The following THSD4 variants were observed in gnomAD, a reference collection of about 807,000 sequenced individuals.
THSD4 encodes the protein thrombospondin type-1 domain-containing protein 4.
A neutral mutation model predicts 119.0 loss-of-function variants in THSD4; 69 were observed. The observed-to-expected ratio is 0.58, with a 90% confidence interval of 0.48 to 0.71. The LOEUF (loss-of-function observed/expected upper bound fraction) is 0.71. Ranked by LOEUF, THSD4 falls within the 30% of genes least tolerant of loss-of-function variation. The probability of loss-of-function intolerance (pLI) is 0.00; values close to 1 mark genes in which losing one functional copy is unlikely to be tolerated. For synonymous variants in THSD4, 524 were observed against 540.4 expected (o/e 0.97, Z 0.42); for missense variants, 1,393 against 1,391.1 (o/e 1.00, Z -0.02).
intron 6 of THSD4, among the ~76,000 whole-genome samples, chr15:71,377,915 A>G (rs2046171548): frequency 8.7e-5 from 1 of 11,524 alleles, no homozygotes; most frequent in Non-Finnish European, 2.1e-4. Flanking sequence ...CACACACACA[A>G]TTTCCTTCAG....
chr15:71,441,724 C>T (rs1164804262), intron 7 of THSD4, among the ~76,000 whole-genome samples: 1 of 151,954 alleles, frequency 6.6e-6, no homozygotes, highest in African/African-American at 2.4e-5. Context: ...GATATAGTAA[C>T]ATGCAGTAGG....
At chr15:71,671,114 G>T (rs2051518887) in intron 8 of THSD4, among the ~76,000 whole-genome samples, 2 of 152,176 alleles carry the variant, frequency 1.3e-5, no homozygotes, top group African/African-American at 2.4e-5. Flanking sequence ...GTGTAAAAGT[G>T]TTCCTATTTC....
At chr15:71,197,679 G>A (rs1037871631) in intron 3 of THSD4, among the ~76,000 whole-genome samples, 1 of 152,112 alleles carries the variant, frequency 6.6e-6, no homozygotes, top group African/African-American at 2.4e-5. Context: ...TCCATGGGCT[G>A]TGTGGATTGG....
At chr15:71,236,231 G>A (rs1298229368) in intron 4 of THSD4, among the ~76,000 whole-genome samples, 1 of 152,202 alleles carries the variant, frequency 6.6e-6, no homozygotes, top group Non-Finnish European at 1.5e-5. Context: ...CGGAGGGCGG[G>A]GCTCTCACTC....
chr15:71,483,797 C>T (rs374417122), intron 7 of THSD4, among the ~76,000 whole-genome samples: 30 of 147,544 alleles, frequency 2.0e-4, no homozygotes, highest in African/African-American at 7.2e-4. Context: ...CCTCCCTCTG[C>T]CCATGTGTTC....
chr15:71,360,738 A>T (rs1163740000), intron 6 of THSD4, among the ~76,000 whole-genome samples: 1 of 152,156 alleles, frequency 6.6e-6, no homozygotes, highest in Non-Finnish European at 1.5e-5. Context: ...TCACCTTTTC[A>T]CTTTACAAGG....
intron 3 of THSD4, among the ~76,000 whole-genome samples, chr15:71,192,441 C>A (rs2043680313): frequency 6.6e-6 from 1 of 151,926 alleles, no homozygotes; most frequent in Admixed American, 6.6e-5. Flanking sequence ...CGCCAACACG[C>A]CTGGATAATT....
At chr15:71,633,424 T>C (rs2050676077) in intron 7 of THSD4, among the ~76,000 whole-genome samples, 1 of 152,016 alleles carries the variant, frequency 6.6e-6, no homozygotes, top group South Asian at 2.1e-4. Flanking sequence ...CACAGGCACA[T>C]GCCGCCATGC....
intron 7 of THSD4, among the ~76,000 whole-genome samples, chr15:71,655,128 A>G (rs975545431): frequency 6.6e-6 from 1 of 152,238 alleles, no homozygotes. Context: ...GAAAAAATAC[A>G]AAGGACATCT....
chr15:71,479,159 TCTTTA>T (rs1471396818), intron 7 of THSD4, among the ~76,000 whole-genome samples: 1 of 147,556 alleles, frequency 6.8e-6, no homozygotes, highest in African/African-American at 2.5e-5. Context: ...TGGTGGCTTT[TCTTTA>T]CTTTCTTTCT....
intron 6 of THSD4, among the ~76,000 whole-genome samples, chr15:71,374,749 A>G (rs2046107722): frequency 1.3e-5 from 2 of 152,128 alleles, no homozygotes; most frequent in South Asian, 4.1e-4. Context: ...GCAAAGGAAA[A>G]CGCCCAATCT....
At chr15:71,708,273 A>G (rs2052432263) in intron 8 of THSD4, among the ~76,000 whole-genome samples, 1 of 152,210 alleles carries the variant, frequency 6.6e-6, no homozygotes, top group Non-Finnish European at 1.5e-5. Context: ...CACGATGATA[A>G]TAAAAAGCAC....
At chr15:71,446,780 G>C (rs1053021934) in intron 7 of THSD4, among the ~76,000 whole-genome samples, 1 of 152,078 alleles carries the variant, frequency 6.6e-6, no homozygotes, top group African/African-American at 2.4e-5. Flanking sequence ...CCAGTTTTCA[G>C]GATGTCTGCC....
intron 7 of THSD4, among the ~76,000 whole-genome samples, chr15:71,421,622 T>C (rs963359569): frequency 1.3e-5 from 2 of 152,308 alleles, no homozygotes; most frequent in Non-Finnish European, 2.9e-5. Flanking sequence ...CTTTGAGAGT[T>C]TGATTATTAA....
intron 1 of THSD4, among the ~76,000 whole-genome samples, chr15:71,124,862 G>A (rs918513611): frequency 2.6e-5 from 4 of 152,068 alleles, no homozygotes; most frequent in Admixed American, 2.6e-4. Context: ...GGGCAACAAA[G>A]TGAGACTCCA....
chr15:71,525,065 T>A (rs71395017), intron 7 of THSD4, among the ~76,000 whole-genome samples: 16,216 of 151,394 alleles, frequency 0.11, 976 homozygotes, highest in Middle Eastern at 0.16. Context: ...AGGAAAATGG[T>A]GGTATCAATG....
intron 7 of THSD4, among the ~76,000 whole-genome samples, chr15:71,580,605 T>A (rs2049539967): frequency 6.6e-6 from 1 of 152,142 alleles, no homozygotes; most frequent in South Asian, 2.1e-4. Context: ...AACTGAAACT[T>A]TGTACCCTTT....
chr15:71,451,153 G>A (rs946382179), intron 7 of THSD4, among the ~76,000 whole-genome samples: 5 of 152,148 alleles, frequency 3.3e-5, no homozygotes, highest in Non-Finnish European at 7.4e-5. Context: ...ACTCCAGCCT[G>A]GGCAACAGAG....
chr15:71,610,566 C>T (rs1382585951), intron 7 of THSD4, among the ~76,000 whole-genome samples: 3 of 152,174 alleles, frequency 2.0e-5, no homozygotes, highest in African/African-American at 7.2e-5. Flanking sequence ...GGGACAGGTT[C>T]TACTTAGTGG....
Sources: gnomAD v4.1 joint callset for allele counts (sites outside exome capture counted in the v4.1 genomes callset) on GRCh38, gnomAD v4.1.1 for gene constraint, MANE v1.5 for transcripts, NCBI Gene and HGNC (gene_info 2026-07-23, HGNC 2026-07-21) for gene names.